SAMSN1: variants seen among roughly 807,000 people sequenced by gnomAD.
The protein encoded by SAMSN1 is SAM domain, SH3 domain and nuclear localization signals 1.
Under a neutral mutation model 42.0 loss-of-function variants are expected in SAMSN1, and 31 were observed. The ratio of observed to expected loss-of-function variants is 0.74; its 90% confidence interval spans 0.55 to 1.00. The LOEUF (loss-of-function observed/expected upper bound fraction) is 1.00. Ranked by LOEUF, SAMSN1 falls within the 50% of genes least tolerant of loss-of-function variation. SAMSN1 has a pLI of 0.00. For synonymous variants in SAMSN1, 178 were observed against 151.9 expected (o/e 1.17, Z -1.26); for missense variants, 464 against 439.4 (o/e 1.06, Z -0.50).
intron 4 of SAMSN1, chr21:14,612,834 C>G (rs924027169): frequency 1.5e-6 from 1 of 689,102 alleles, no homozygotes; most frequent in African/African-American, 1.8e-5. Context: ...TGTGGGGAGA[C>G]AGAATACATC....
chr21:14,601,501 G>A (rs1982430459), intron 6 of SAMSN1, among the ~76,000 whole-genome samples: 1 of 152,196 alleles, frequency 6.6e-6, no homozygotes, highest in South Asian at 2.1e-4. Flanking sequence ...AATATCAAAA[G>A]TCAGTCTGAT....
intron 2 of SAMSN1, among the ~76,000 whole-genome samples, chr21:14,640,980 A>C (rs1041290668): frequency 6.9e-6 from 1 of 144,700 alleles, no homozygotes; most frequent in African/African-American, 2.5e-5. Flanking sequence ...TTGGCCATGA[A>C]ATGGTTTGGT....
At chr21:14,633,176 GCT>G (rs141134431) in intron 2 of SAMSN1, among the ~76,000 whole-genome samples, 285 of 146,202 alleles carry the variant, frequency 1.9e-3, no homozygotes, top group Non-Finnish European at 2.0e-3. Flanking sequence ...TCTAGATGTT[GCT>G]CTCTCTCTCT....
At chr21:14,623,720 G>C (rs1983082269) in intron 2 of SAMSN1, among the ~76,000 whole-genome samples, 1 of 152,080 alleles carries the variant, frequency 6.6e-6, no homozygotes, top group Non-Finnish European at 1.5e-5. Context: ...AGATCAACAA[G>C]ATGGAAAGTT....
intron 6 of SAMSN1, among the ~76,000 whole-genome samples, chr21:14,597,024 C>T (rs1442747737): frequency 6.6e-6 from 1 of 152,120 alleles, no homozygotes; most frequent in Admixed American, 6.6e-5. Context: ...AAATAAGAAA[C>T]ATTGATCAAT....
intron 2 of SAMSN1, among the ~76,000 whole-genome samples, chr21:14,551,468 G>A (rs1169209787): frequency 6.6e-6 from 1 of 151,932 alleles, no homozygotes; most frequent in Non-Finnish European, 1.5e-5. Context: ...CAAAGTGACT[G>A]GAAAAATTAG....
At chr21:14,592,721 C>A in intron 7 of SAMSN1, 1 of 238,592 alleles carries the variant, frequency 4.2e-6, no homozygotes. Flanking sequence ...ATTCTCTACT[C>A]CAACATTTTA....
rs71735460 is a variant in SAMSN1, at chr21:14,577,232, ATGTGTG to A, written c.261+4898_261+4903del. Among the ~76,000 whole-genome samples the A allele has an allele frequency of 1.6e-3, 91 of 57,044 alleles. 2 individuals are homozygous for A. Among genetic ancestry groups the A allele is most frequent in the African/African-American group, 7.0e-3 (89 of 12,712 alleles). The allele number at this position is 57,044 out of a possible 152,430, so 37.4% of individuals were successfully genotyped here. Reference sequence around the variant, plus strand: ...CACCATGGTGGGCTAATTTATATATATGTGTGTATATATATATATATATATATATAT... The same window carrying A: ...CACCATGGTGGGCTAATTTATATATATATATATATATATATATATATATAT... On this transcript the variant is annotated intron_variant, in intron 2 of 8. Transcript: ENST00000285670.
chr21:14,652,491 A>G (rs411100), intron 1 of SAMSN1, among the ~76,000 whole-genome samples: 66,330 of 151,938 alleles, frequency 0.44, 17,153 homozygotes, highest in Non-Finnish European at 0.57. Flanking sequence ...ATTCAAATGC[A>G]GAAGAATGAA....
chr21:14,657,769 G>A (rs1983939475), intron 1 of SAMSN1, among the ~76,000 whole-genome samples: 1 of 151,698 alleles, frequency 6.6e-6, no homozygotes, highest in Non-Finnish European at 1.5e-5. Context: ...GACTATATGG[G>A]CAACAAGAAC....
At chr21:14,637,727 G>C (rs1449623160) in intron 2 of SAMSN1, among the ~76,000 whole-genome samples, 1 of 152,066 alleles carries the variant, frequency 6.6e-6, no homozygotes, top group Admixed American at 6.6e-5. Flanking sequence ...AAAAAAAAAG[G>C]TCTTAATCTA....
At position 14,510,436 on chromosome 21, in the gene SAMSN1, A is replaced by T; in HGVS notation, c.435T>A (p.Gly145=). 6.2e-7 allele frequency: 1 copy of T among 1,614,144 alleles called. No individual in the cohort carries two copies. The highest frequency in any genetic ancestry group is 2.2e-5 in the East Asian group (1 of 44,878). The part of the protein sequence containing the change: ...SSSGITSCSD[G]TSNRDSFRLD... ...GTCGAAAGCTGTCCCGGTTACTTGTACCATCTGAACAGCTTGTTATGCCAC... is the reference window on the plus strand; with the variant it reads ...GTCGAAAGCTGTCCCGGTTACTTGTTCCATCTGAACAGCTTGTTATGCCAC... The change falls in exon 5 of 8, where the codon GGT becomes GGA. Residue 145 remains glycine, a synonymous_variant. Coordinates refer to ENST00000400566, the MANE Select transcript of SAMSN1 (RefSeq NM_022136.5).
At chr21:14,536,426 C>A (rs992975894) in intron 1 of SAMSN1, among the ~76,000 whole-genome samples, 2 of 152,208 alleles carry the variant, frequency 1.3e-5, no homozygotes, top group Non-Finnish European at 2.9e-5. Flanking sequence ...GGGGAGGCTA[C>A]ACTTCTGTCA....
At chr21:14,625,584 C>A (rs1983144238) in intron 2 of SAMSN1, among the ~76,000 whole-genome samples, 1 of 152,240 alleles carries the variant, frequency 6.6e-6, no homozygotes. Context: ...ATGTGAAAGA[C>A]CTCTTCAAGG....
chr21:14,623,152 C>T (rs1364170878), intron 2 of SAMSN1, among the ~76,000 whole-genome samples: 3 of 152,156 alleles, frequency 2.0e-5, no homozygotes, highest in Admixed American at 1.3e-4. Flanking sequence ...CCAGTACCAG[C>T]CACTGCAAAA....
intron 4 of SAMSN1, 91 bp from the exon 5 acceptor site, chr21:14,510,552 A>G (rs1987644914): frequency 1.4e-6 from 2 of 1,422,442 alleles, no homozygotes; most frequent in Admixed American, 3.4e-5. Context: ...TAATGCTGGA[A>G]CACTGGATGC....
intron 5 of SAMSN1, among the ~76,000 whole-genome samples, chr21:14,509,569 T>C (rs1290968260): frequency 6.6e-6 from 1 of 152,196 alleles, no homozygotes; most frequent in Non-Finnish European, 1.5e-5. Flanking sequence ...AATACTGGAA[T>C]TGCCCTGCCA....
intron 5 of SAMSN1, among the ~76,000 whole-genome samples, chr21:14,507,886 C>T (rs192021143): frequency 6.7e-6 from 1 of 149,962 alleles, no homozygotes; most frequent in African/African-American, 2.4e-5. Flanking sequence ...GAAAAGAGAA[C>T]CCAGAAATAA....
chr21:14,575,041 G>A (rs1382641630), intron 2 of SAMSN1, among the ~76,000 whole-genome samples: 2 of 152,004 alleles, frequency 1.3e-5, no homozygotes, highest in Admixed American at 6.6e-5. Flanking sequence ...ATAAGATCAC[G>A]TAAACTCTCT....
Sources: allele counts gnomAD v4.1 joint callset (sites outside exome capture counted in the v4.1 genomes callset), GRCh38; gene constraint gnomAD v4.1.1; transcripts MANE v1.5; gene names NCBI Gene and HGNC (gene_info 2026-07-23, HGNC 2026-07-21).